The following MED12L variants were observed in gnomAD, a reference collection of about 807,000 sequenced individuals.
MED12L encodes the protein mediator complex subunit 12L.
In MED12L, 60 loss-of-function variants were observed where a neutral mutation model predicts 281.3. The ratio of observed to expected loss-of-function variants is 0.21; its 90% CI spans 0.17 to 0.26. The LOEUF is 0.26. Ranked by LOEUF, MED12L falls within the 10% of genes least tolerant of loss-of-function variation. The probability of loss-of-function intolerance (pLI) is 1.00; values close to 1 mark genes in which losing one functional copy is unlikely to be tolerated. For missense variants in MED12L, 2,146 were observed against 2,680.9 expected (o/e 0.80, Z 4.41); for synonymous variants, 974 against 987.2 (o/e 0.99, Z 0.25).
intron 16 of MED12L, among the ~76,000 whole-genome samples, chr3:151,285,255 T>C (rs1011577649): frequency 4.6e-5 from 7 of 151,700 alleles, no homozygotes; most frequent in South Asian, 4.2e-4. Context: ...GAGGCTGAGG[T>C]GGGCAGATCA....
At chr3:151,290,915 C>T (rs1179483697) in intron 16 of MED12L, among the ~76,000 whole-genome samples, 1 of 152,142 alleles carries the variant, frequency 6.6e-6, no homozygotes, top group Non-Finnish European at 1.5e-5. Context: ...AATTCTGCAT[C>T]TACTATGATA....
chr3:151,144,536 C>T (rs1443368979), intron 5 of MED12L, among the ~76,000 whole-genome samples: 1 of 152,142 alleles, frequency 6.6e-6, no homozygotes, highest in Non-Finnish European at 1.5e-5. Flanking sequence ...AGGCCTCGGC[C>T]CCCTGTTTTC....
chr3:151,154,913 G>A (rs1008349753), intron 5 of MED12L, among the ~76,000 whole-genome samples: 2 of 152,206 alleles, frequency 1.3e-5, no homozygotes, highest in Non-Finnish European at 2.9e-5. Context: ...TGTCGACCTA[G>A]TATTTGTTCG....
At chr3:151,422,917 G>A (rs922911322) in intron 43 of MED12L, among the ~76,000 whole-genome samples, 6 of 107,102 alleles carry the variant, frequency 5.6e-5, no homozygotes, top group Non-Finnish European at 9.8e-5. Flanking sequence ...ATATTTTTTT[G>A]TTCTTTTGTT....
chr3:151,409,317 G>A lies in MED12L; in HGVS notation c.5895G>A (p.Gly1965=). The change falls in exon 40 of 45, where the codon GGG becomes GGA. Residue 1965 remains glycine, a synonymous_variant. Transcript: ENST00000687756. ...CCCCTCAGCTCCCTCAGTATCCAGG[G>A]CTGCAGCAAGCACAGGTACCCACAT... ...RPSPQLPQYP[G]LQQAQTMPQG... The A allele has an allele frequency of 6.2e-7, 1 of 1,614,014 alleles. No individual in the cohort carries two copies. The highest frequency in any genetic ancestry group is 1.3e-5 in the African/African-American group (1 of 75,048).
intron 16 of MED12L, among the ~76,000 whole-genome samples, chr3:151,265,146 A>G (rs966877319): frequency 6.6e-5 from 10 of 152,222 alleles, no homozygotes; most frequent in Non-Finnish European, 1.2e-4. Context: ...GCCAGCACCT[A>G]GAGCAGTATC....
intron 2 of MED12L, among the ~76,000 whole-genome samples, chr3:151,104,672 A>G (rs1721788105): frequency 6.6e-6 from 1 of 152,156 alleles, no homozygotes; most frequent in Non-Finnish European, 1.5e-5. Context: ...GTAATGAAGT[A>G]CCAAACATTT....
intron 16 of MED12L, among the ~76,000 whole-genome samples, chr3:151,247,640 T>G (rs1337083288): frequency 7.1e-6 from 1 of 140,616 alleles, no homozygotes; most frequent in African/African-American, 2.6e-5. Context: ...AGGGATAGCA[T>G]TGGGAGATGT....
chr3:151,093,076 C>T (rs1247936678), intron 2 of MED12L, among the ~76,000 whole-genome samples: 1 of 152,186 alleles, frequency 6.6e-6, no homozygotes, highest in Non-Finnish European at 1.5e-5. Context: ...GAGACCAAGG[C>T]TGGAGGATTG....
At chr3:151,139,816 TGAG>T (rs35725942) in intron 5 of MED12L, among the ~76,000 whole-genome samples, 45,539 of 151,920 alleles carry the variant, frequency 0.3, 8,684 homozygotes, top group African/African-American at 0.54. Context: ...GGAGAATAAT[TGAG>T]GAGTTTATGG....
rs1442064589 is a variant in MED12L, at chr3:151,398,518, A to T, written c.5820+3651A>T. 2.6e-5 allele frequency among the ~76,000 whole-genome samples: 4 copies of T among 152,246 alleles called. No individual in the cohort carries two copies. In the South Asian group the frequency reaches 6.2e-4, roughly 24 times the overall value. ...TATTTCCTCAGGAATGTGTTAAGAC[A>T]GTGTTTAACACAGTACCTAGACAAC... is the stretch of plus-strand genomic sequence containing the variant. On this transcript the variant is annotated intron_variant, in intron 39 of 44. Transcript: ENST00000687756.
At chr3:151,329,435 T>G in intron 16 of MED12L, 1 of 1,274,918 alleles carries the variant, frequency 7.8e-7, no homozygotes, top group Non-Finnish European at 1.1e-6. Context: ...AAGCATATTC[T>G]TTTATATAAG....
At chr3:151,309,970 T>C (rs1057370107) in intron 16 of MED12L, among the ~76,000 whole-genome samples, 1 of 152,144 alleles carries the variant, frequency 6.6e-6, no homozygotes, top group Non-Finnish European at 1.5e-5. Flanking sequence ...AGAGTAGGAA[T>C]TGGCCATTGA....
intron 16 of MED12L, among the ~76,000 whole-genome samples, chr3:151,349,840 G>C (rs1043951119): frequency 3.3e-5 from 5 of 149,432 alleles, no homozygotes; most frequent in Non-Finnish European, 5.9e-5. Context: ...TAAGACTTCA[G>C]GTCAGTTGAC....
chr3:151,181,371 T>G (rs1214631758), intron 11 of MED12L, among the ~76,000 whole-genome samples: 1 of 152,006 alleles, frequency 6.6e-6, no homozygotes, highest in Non-Finnish European at 1.5e-5. Flanking sequence ...CAGCTCATCA[T>G]TAGTGCTTTT....
chr3:151,154,401 TA>T (rs1718980482), intron 5 of MED12L, among the ~76,000 whole-genome samples: 1 of 152,212 alleles, frequency 6.6e-6, no homozygotes, highest in South Asian at 2.1e-4. Context: ...GATGGAAAGA[TA>T]TATATGAAAA....
chr3:151,289,110 T>C (rs1302052209), intron 16 of MED12L, among the ~76,000 whole-genome samples: 2 of 152,182 alleles, frequency 1.3e-5, no homozygotes, highest in Admixed American at 1.3e-4. Flanking sequence ...GAAGTGAAAT[T>C]TGAATCACAG....
chr3:151,359,796 C>A lies in MED12L; in HGVS notation c.2826-678C>A, dbSNP rs1754382536. Among the ~76,000 whole-genome samples the A allele has an allele frequency of 3.3e-5, 5 of 152,058 alleles. No individual in the cohort carries two copies. In the South Asian group the frequency reaches 1.0e-3, roughly 31 times the overall value. ...CAAGATGGTGATGGAATCAGATGCA[C>A]AGATAGGTGAATGGACCACAAGTGT... On this transcript the variant is annotated intron_variant, in intron 20 of 44. Coordinates refer to ENST00000687756, the MANE Select transcript of MED12L (RefSeq NM_001393769.1).
chr3:151,248,302 A>G (rs549668287), intron 16 of MED12L, among the ~76,000 whole-genome samples: 38 of 152,308 alleles, frequency 2.5e-4, no homozygotes, highest in African/African-American at 8.4e-4. Context: ...GTGACTCACC[A>G]TTAAATCCAT....
Sources: gnomAD v4.1 joint callset for allele counts (sites outside exome capture counted in the v4.1 genomes callset) on GRCh38, gnomAD v4.1.1 for gene constraint, MANE v1.5 for transcripts, NCBI Gene and HGNC (gene_info 2026-07-23, HGNC 2026-07-21) for gene names.